Variants in FIBCD1 observed in about 807,000 individuals in gnomAD.
FIBCD1 encodes fibrinogen C domain containing 1, also known as fibrinogen C domain-containing protein 1.
Under a neutral mutation model 45.1 loss-of-function variants are expected in FIBCD1, and 47 were observed. That is an observed-to-expected ratio of 1.04 (90% CI 0.82 to 1.33). FIBCD1 has a LOEUF of 1.33. Ranked by LOEUF, FIBCD1 falls within the 40% of genes most tolerant of loss-of-function variation. The probability of loss-of-function intolerance (pLI) is 0.00; values close to 1 mark genes in which losing one functional copy is unlikely to be tolerated. For missense variants in FIBCD1, 653 were observed against 682.2 expected (o/e 0.96, Z 0.48); for synonymous variants, 313 against 308.1 (o/e 1.02, Z -0.17).
chr9:130,921,126 C>T (rs1157649966), intron 4 of FIBCD1, among the ~76,000 whole-genome samples: 2 of 152,232 alleles, frequency 1.3e-5, no homozygotes, highest in Non-Finnish European at 2.9e-5. Flanking sequence ...CTGAGTTGCA[C>T]CCTTGCCCAC....
chr9:130,905,428 A>G lies in FIBCD1; in HGVS notation c.947-15T>C, dbSNP rs201321894. On this transcript the variant is annotated splice_polypyrimidine_tract_variant and intron_variant, in intron 5 of 6. Coordinates refer to ENST00000372338, the MANE Select transcript of FIBCD1 (RefSeq NM_032843.5). ...CCTCTTGAGCCCTGAAGTTGGGGGG[A>G]AAATGGTGGGAGAAGCTGAGGGGCG... is the stretch of plus-strand genomic sequence containing the variant. The G allele has an allele frequency of 1.0e-5, 16 of 1,597,820 alleles. No individual in the cohort carries two copies. Among genetic ancestry groups the G allele is most frequent in the Middle Eastern group, 3.3e-4 (2 of 6,006 alleles).
Position 130,923,787 on chromosome 9 carries a change from A to C in FIBCD1, c.806T>G (p.Phe269Cys). 1 of 1,612,784 alleles carries C rather than the reference A, an allele frequency of 6.2e-7. No homozygotes were observed. Among genetic ancestry groups the C allele is most frequent in the South Asian group, 1.1e-5 (1 of 91,066 alleles). The part of the protein sequence containing the change: ...SVFPTHYPAG[F>C]QVYCDMRTDG... Reference sequence around the variant, plus strand: ...CGTGCGCATGTCACAGTACACCTGGAAGCCGGCCGGGTAGTGGGTGGGAAA... The same window carrying C: ...CGTGCGCATGTCACAGTACACCTGGCAGCCGGCCGGGTAGTGGGTGGGAAA... Residue 269 changes from phenylalanine to cysteine, a missense_variant, in exon 4 of 7, where the codon TTC becomes TGC. By Grantham distance (205) the Phe-to-Cys change is radical. Transcript: ENST00000372338.
At chr9:130,912,409 A>T (rs986525815) in intron 4 of FIBCD1, among the ~76,000 whole-genome samples, 1 of 148,832 alleles carries the variant, frequency 6.7e-6, no homozygotes, top group Non-Finnish European at 1.5e-5. Flanking sequence ...AAAAAAAAAA[A>T]AAAAAAAGTG....
Position 130,916,270 on chromosome 9 carries a change from TTTGA to T in FIBCD1, c.850-4386_850-4383del, listed in dbSNP as rs543615500. The stretch of plus-strand genomic sequence containing the variant: ...TTCTATCATGTTCTATTCCACTCTA[TTTGA>T]TTGAAAAAATAATGTTGATCAAACC... On this transcript the variant is annotated intron_variant, in intron 4 of 6. Coordinates refer to ENST00000372338, the MANE Select transcript of FIBCD1 (RefSeq NM_032843.5). Among the ~76,000 whole-genome samples, 519 of 152,316 alleles carry T rather than the reference TTTGA, an allele frequency of 3.4e-3. 3 individuals carry two copies. The highest frequency in any genetic ancestry group is 4.6e-3 in the Non-Finnish European group (311 of 68,038).
chr9:130,921,178 C>T (rs1432568268), intron 4 of FIBCD1, among the ~76,000 whole-genome samples: 2 of 152,222 alleles, frequency 1.3e-5, no homozygotes, highest in Non-Finnish European at 2.9e-5. Flanking sequence ...GACTGTCCAG[C>T]CCCAGGGTCT....
chr9:130,924,421 A>G, intron 2 of FIBCD1, 25 bp from the exon 3 acceptor site: 2 of 1,565,160 alleles, frequency 1.3e-6, no homozygotes, highest in Non-Finnish European at 1.7e-6. Flanking sequence ...GGGTGAGCCG[A>G]GGGGGCAGGG....
rs1181592836 is a variant in FIBCD1 at position 130,926,296 on chromosome 9, C to A, written c.553-1900G>T. Reference sequence around the variant, plus strand: ...CCCTCTTGCTAACGGGCAGGGAAGACCTCTGTTTAAACCAGCAGATGATTA... The same window carrying A: ...CCCTCTTGCTAACGGGCAGGGAAGAACTCTGTTTAAACCAGCAGATGATTA... On this transcript the variant is annotated intron_variant, in intron 2 of 6. Coordinates refer to ENST00000372338, the MANE Select transcript of FIBCD1 (RefSeq NM_032843.5). The surrounding 1 kb of genome is among the most constrained non-coding windows in gnomAD (Gnocchi z 4.1). 6.6e-6 allele frequency among the ~76,000 whole-genome samples: 1 copy of A among 152,230 alleles called. No individual in the cohort carries two copies. The highest frequency in any genetic ancestry group is 6.5e-5 in the Admixed American group (1 of 15,288).
rs879740516 is a variant in FIBCD1 at position 130,904,209 on chromosome 9, C to A, written c.1241G>T (p.Cys414Phe). 14 of 1,613,672 alleles carry A rather than the reference C, an allele frequency of 8.7e-6. No individual in the cohort carries two copies. Among genetic ancestry groups the A allele is most frequent in the Non-Finnish European group, 1.2e-5 (14 of 1,180,014 alleles). The change falls in exon 7 of 7, where the codon TGC becomes TTC. Residue 414 changes from cysteine (C) to phenylalanine (F), a missense_variant. Physicochemically the swap from Cys to Phe is radical, Grantham distance 205. Coordinates refer to ENST00000372338, the MANE Select transcript of FIBCD1 (RefSeq NM_032843.5). ...FYRGAWWYRN[C>F]HTSNLNGQYL... ...CTGCCCATTGAGGTTGGACGTGTGG[C>A]AGTTGCGGTACCACCAGGCACCGCG...
chr9:130,904,934 A>G (rs571580368), intron 6 of FIBCD1, among the ~76,000 whole-genome samples: 1 of 152,360 alleles, frequency 6.6e-6, no homozygotes, highest in East Asian at 1.9e-4. Flanking sequence ...CAACTGAATC[A>G]ACTGATGAAG....
chr9:130,910,517 G>A (rs1265516000), intron 5 of FIBCD1, among the ~76,000 whole-genome samples: 10 of 152,248 alleles, frequency 6.6e-5, no homozygotes, highest in African/African-American at 1.9e-4. Context: ...GGCACACGGC[G>A]CGGGACTGGC....
upstream of FIBCD1, among the ~76,000 whole-genome samples, chr9:130,939,899 C>CGACGCCGCGCTCCCCT (rs1292257452): frequency 1.7e-4 from 26 of 152,068 alleles, no homozygotes; most frequent in Middle Eastern, 3.4e-3. Context: ...CCACACTGCC[C>CGACGCCGCGCTCCCCT]GACGCCGCGC....
At chr9:130,918,445 C>A (rs1029035868) in intron 4 of FIBCD1, among the ~76,000 whole-genome samples, 2 of 152,206 alleles carry the variant, frequency 1.3e-5, no homozygotes, top group African/African-American at 2.4e-5. Flanking sequence ...CCCCTGGAAG[C>A]AGCAACTGCG....
In FIBCD1 at chr9:130,924,387, C is replaced by T. The variant is rs1832322844; in HGVS notation, c.562G>A (p.Glu188Lys). The T allele has an allele frequency of 6.2e-7, 1 of 1,608,082 alleles. No homozygotes were observed. The highest frequency in any genetic ancestry group is 8.5e-7 in the Non-Finnish European group (1 of 1,178,450). The stretch of plus-strand genomic sequence containing the variant: ...AGGTGAGCCATGTGGCCCTGGCTCT[C>T]AGAGAGAAGCTGCGGAGCACAGGGG... ...EQGRLIQLLS[E>K]SQGHMAHLVN... is the part of the protein sequence containing the mutation. The change falls in exon 3 of 7, where the codon GAG (glutamate) becomes AAG (lysine). Residue 188 changes from glutamate (E) to lysine (K), a missense_variant. Glu to Lys is a moderately conservative substitution (Grantham distance 56, BLOSUM62 1). Coordinates refer to ENST00000372338, the MANE Select transcript of FIBCD1 (RefSeq NM_032843.5).
At chr9:130,923,435 C>T (rs978636650) in intron 4 of FIBCD1, among the ~76,000 whole-genome samples, 1 of 152,206 alleles carries the variant, frequency 6.6e-6, no homozygotes, top group African/African-American at 2.4e-5. Flanking sequence ...TGCCATGTGT[C>T]GTCCTAGGCC....
chr9:130,932,150 T>G (rs1042287801), intron 1 of FIBCD1, among the ~76,000 whole-genome samples: 1 of 152,366 alleles, frequency 6.6e-6, no homozygotes, highest in East Asian at 1.9e-4. Context: ...TAGTGATACA[T>G]TGAACAGAGA....
chr9:130,911,685 C>T lies in FIBCD1; in HGVS notation c.946+107G>A, dbSNP rs190115223. On this transcript the variant is annotated intron_variant, in intron 5 of 6. Coordinates refer to ENST00000372338, the MANE Select transcript of FIBCD1 (RefSeq NM_032843.5). ...TGAGCTGGCTCAGGTGTGCCGAGGCCAGGGAAACCCAGCCCAAACCCATTC... is the reference window on the plus strand; with the variant it reads ...TGAGCTGGCTCAGGTGTGCCGAGGCTAGGGAAACCCAGCCCAAACCCATTC... 216 of 986,122 alleles carry T rather than the reference C, an allele frequency of 2.2e-4. 2 individuals are homozygous for T. In the African/African-American group the frequency reaches 2.5e-3, roughly 12 times the overall value. 61.1% of individuals were successfully genotyped at this position (986,122 alleles called of 1,614,324 possible).
At chr9:130,906,520 G>C (rs61138966) in intron 5 of FIBCD1, among the ~76,000 whole-genome samples, 335 of 152,224 alleles carry the variant, frequency 2.2e-3, no homozygotes, top group Middle Eastern at 3.4e-3. Context: ...AAAGCTGACC[G>C]CACGACCCAC....
chr9:130,910,778 T>C (rs1365103255), intron 5 of FIBCD1, among the ~76,000 whole-genome samples: 1 of 152,164 alleles, frequency 6.6e-6, no homozygotes, highest in Non-Finnish European at 1.5e-5. Context: ...AACCTTTATG[T>C]CTAGCTCAGG....
At chr9:130,915,122 C>T (rs1832135915) in intron 4 of FIBCD1, among the ~76,000 whole-genome samples, 2 of 152,224 alleles carry the variant, frequency 1.3e-5, no homozygotes, top group African/African-American at 4.8e-5. Context: ...GGTGGCAGGT[C>T]CACTGACCAG....
Sources: gnomAD v4.1 joint callset for allele counts (sites outside exome capture counted in the v4.1 genomes callset) on GRCh38, gnomAD v4.1.1 for gene constraint, Gnocchi (gnomAD v3.1) non-coding constraint, MANE v1.5 for transcripts, NCBI Gene and HGNC (gene_info 2026-07-23, HGNC 2026-07-21) for gene names.